Variants in DGKD observed in about 807,000 individuals in gnomAD.
DGKD encodes diacylglycerol kinase delta.
In DGKD, 68 loss-of-function variants were observed where a neutral mutation model predicts 154.4. The ratio of observed to expected loss-of-function variants is 0.44; its 90% CI spans 0.36 to 0.54. The LOEUF (loss-of-function observed/expected upper bound fraction) is 0.54, where lower values mean the gene tolerates loss of function less well. DGKD is among the 20% of genes least tolerant of loss of function. The pLI, the probability that DGKD is intolerant of heterozygous loss-of-function variation, is 0.00. For synonymous variants in DGKD, 693 were observed against 638.0 expected (o/e 1.09, Z -1.30); for missense variants, 1,343 against 1,593.6 (o/e 0.84, Z 2.68).
At chr2:233,362,375 G>C (rs944415480) in intron 1 of DGKD, among the ~76,000 whole-genome samples, 1 of 152,226 alleles carries the variant, frequency 6.6e-6, no homozygotes, top group African/African-American at 2.4e-5. Context: ...ATGTGGCCAG[G>C]TGCAGTGACT....
At chr2:233,442,879 C>T (rs2062946797) in intron 10 of DGKD, among the ~76,000 whole-genome samples, 1 of 152,200 alleles carries the variant, frequency 6.6e-6, no homozygotes, top group African/African-American at 2.4e-5. Flanking sequence ...GCTGGGATTA[C>T]AGGCATGAGC....
intron 3 of DGKD, among the ~76,000 whole-genome samples, chr2:233,416,495 G>C (rs1013854229): frequency 1.3e-5 from 2 of 152,154 alleles, no homozygotes; most frequent in Admixed American, 6.5e-5. Context: ...CAAGGGCTTC[G>C]GGTAGCTTAT....
chr2:233,399,127 C>T (rs2125475868), intron 3 of DGKD, among the ~76,000 whole-genome samples: 1 of 152,370 alleles, frequency 6.6e-6, no homozygotes, highest in South Asian at 2.1e-4. Flanking sequence ...GGAATGAAAG[C>T]AGTGGGCTTT....
chr2:233,390,113 G>T (rs935854939), intron 2 of DGKD, among the ~76,000 whole-genome samples: 1 of 152,112 alleles, frequency 6.6e-6, no homozygotes, highest in Admixed American at 6.5e-5. Flanking sequence ...ACCAGCATTG[G>T]GTTGTTTGCT....
chr2:233,437,429 G>A lies in DGKD; in HGVS notation c.872G>A (p.Cys291Tyr). The stretch of plus-strand genomic sequence containing the variant: ...CTGACCAAGTGCCCACTTGGCCTGT[G>A]CAAAGTGTCAGTCATCCCACCCACG... ...SLLTKCPLGL[C>Y]KVSVIPPTAL... Residue 291 changes from cysteine to tyrosine, a missense_variant, in exon 8 of 30, where the codon TGC (cysteine) becomes TAC (tyrosine). Physicochemically the swap from Cys to Tyr is radical, Grantham distance 194. This residue lies in a region of DGKD where 332 missense variants were observed against 400.1 expected (regional missense o/e 0.83). Coordinates refer to ENST00000264057, the MANE Select transcript of DGKD (RefSeq NM_152879.3). The A allele has an allele frequency of 6.2e-7, 1 of 1,614,234 alleles. No individual in the cohort carries two copies. Among genetic ancestry groups the A allele is most frequent in the Non-Finnish European group, 8.5e-7 (1 of 1,180,036 alleles).
chr2:233,454,405 G>C (rs539415086), intron 18 of DGKD: 2 of 474,936 alleles, frequency 4.2e-6, no homozygotes, highest in South Asian at 3.1e-5. Flanking sequence ...CCATTCCTGT[G>C]AACTGCCTAG....
intron 7 of DGKD, among the ~76,000 whole-genome samples, chr2:233,436,735 G>A (rs1017852696): frequency 6.6e-6 from 1 of 152,270 alleles, no homozygotes; most frequent in Non-Finnish European, 1.5e-5. Context: ...GGTCACCTGG[G>A]ACAATTGAGC....
rs2064009634 is a variant in DGKD at position 233,471,347 on chromosome 2, G to A, written c.*1887G>A. The A allele has an allele frequency of 6.6e-6, 1 of 152,390 alleles. No individual in the cohort carries two copies. Among genetic ancestry groups the A allele is most frequent in the South Asian group, 2.1e-4 (1 of 4,832 alleles). The allele number at this position is 152,390 out of a possible 1,614,324, so 9.4% of individuals were successfully genotyped here. Reference sequence around the variant, plus strand: ...GTTTTCCCCAGAACATTGTAGATGGGGGTTGGCAGAGGGAGAAATAAGCCA... The same window carrying A: ...GTTTTCCCCAGAACATTGTAGATGGAGGTTGGCAGAGGGAGAAATAAGCCA... On this transcript the variant is annotated 3_prime_UTR_variant, in exon 30 of 30. Transcript: ENST00000264057.
chr2:233,409,297 GA>G (rs1270782097), intron 3 of DGKD, among the ~76,000 whole-genome samples: 1 of 152,176 alleles, frequency 6.6e-6, no homozygotes, highest in Admixed American at 6.5e-5. Flanking sequence ...AAATGGCAGA[GA>G]AAACAAAGTG....
chr2:233,462,433 G>A lies in DGKD; in HGVS notation c.3067G>A (p.Val1023Met), dbSNP rs772396285. Residue 1023 changes from valine to methionine, a missense_variant, in exon 25 of 30, where the codon GTG becomes ATG. Val to Met is a conservative substitution (Grantham distance 21). Coordinates refer to ENST00000264057, the MANE Select transcript of DGKD (RefSeq NM_152879.3). ...VNASSKSMDR[V>M]YGKPRTTEGL... ...TGCCAGCTCCAAGTCCATGGACCGT[G>A]TGTATGGCAAGCCCAGAACCACAGA... 1.6e-5 allele frequency: 26 copies of A among 1,600,732 alleles called. No homozygotes were observed. The highest frequency in any genetic ancestry group is 2.1e-5 in the Non-Finnish European group (25 of 1,169,740).
rs59599129 is a variant in DGKD, at chr2:233,463,681, G to A, written c.3187-483G>A. 158 of 180,888 alleles carry A rather than the reference G, an allele frequency of 8.7e-4. 10 individuals carry two copies. The highest frequency in any genetic ancestry group is 4.3e-3 in the African/African-American group (149 of 34,356). 11.2% of individuals were successfully genotyped at this position (180,888 alleles called of 1,614,324 possible). ...CACTGCACGCATCTCCTCACTCCAC[G>A]CATCACCTCACTCCACGCATCACCT... On this transcript the variant is annotated intron_variant, in intron 26 of 29. Coordinates refer to ENST00000264057, the MANE Select transcript of DGKD (RefSeq NM_152879.3).
intron 1 of DGKD, among the ~76,000 whole-genome samples, chr2:233,380,702 C>T (rs1702850840): frequency 6.6e-6 from 1 of 152,106 alleles, no homozygotes; most frequent in Non-Finnish European, 1.5e-5. Flanking sequence ...ACACCACATA[C>T]CGCAGCATAC....
Position 233,449,768 on chromosome 2 carries a change from C to T in DGKD, c.1889-214C>T, listed in dbSNP as rs901153816. Reference sequence around the variant, plus strand: ...CCCTTGCCTTCCCCTGCAAGGGTTCCAGACCTCCCAGCCTGTTAGCAGGGA... The same window carrying T: ...CCCTTGCCTTCCCCTGCAAGGGTTCTAGACCTCCCAGCCTGTTAGCAGGGA... On this transcript the variant is annotated intron_variant, in intron 15 of 29. Coordinates refer to ENST00000264057, the MANE Select transcript of DGKD (RefSeq NM_152879.3). The surrounding 1 kb of genome is among the most constrained non-coding windows in gnomAD (Gnocchi z 5.3). Among the ~76,000 whole-genome samples, 1 of 152,160 alleles carries T rather than the reference C, an allele frequency of 6.6e-6. No individual in the cohort carries two copies. Among genetic ancestry groups the T allele is most frequent in the Non-Finnish European group, 1.5e-5 (1 of 68,022 alleles).
intron 1 of DGKD, among the ~76,000 whole-genome samples, chr2:233,381,834 TTTC>T: frequency 6.6e-6 from 1 of 152,350 alleles, no homozygotes; most frequent in African/African-American, 2.4e-5. Flanking sequence ...GTTTACCAGT[TTTC>T]TTATTTGTTA....
chr2:233,448,234 A>G, intron 13 of DGKD, 42 bp from the exon 14 acceptor site: 2 of 1,613,994 alleles, frequency 1.2e-6, no homozygotes, highest in Non-Finnish European at 1.7e-6. Context: ...CCCAGCCTGG[A>G]GCTGCCTCTC....
intron 16 of DGKD, 139 bp from the exon 17 acceptor site, chr2:233,450,783 C>T (rs969448506): frequency 9.1e-6 from 10 of 1,102,642 alleles, no homozygotes; most frequent in Non-Finnish European, 1.3e-5. Context: ...CTTCTTTGTC[C>T]CACACACTTC....
chr2:233,436,024 T>C, intron 6 of DGKD, 100 bp downstream of exon 6: 1 of 1,277,564 alleles, frequency 7.8e-7, no homozygotes, highest in South Asian at 1.4e-5. Context: ...ACTGTTTCAT[T>C]TGAGATGGTC....
At chr2:233,393,345 T>C (rs1295771309) in intron 3 of DGKD, among the ~76,000 whole-genome samples, 1 of 149,608 alleles carries the variant, frequency 6.7e-6, no homozygotes, top group Non-Finnish European at 1.5e-5. Context: ...TTTTTTTTTT[T>C]TTTTTTTTTG....
At chr2:233,367,069 G>C (rs921090595) in intron 1 of DGKD, among the ~76,000 whole-genome samples, 2 of 151,850 alleles carry the variant, frequency 1.3e-5, no homozygotes, top group African/African-American at 4.8e-5. Flanking sequence ...CTTCCTTTTG[G>C]GAACCAGGTA....
Sources: allele counts gnomAD v4.1 joint callset (sites outside exome capture counted in the v4.1 genomes callset), GRCh38; gene constraint gnomAD v4.1.1; regional missense constraint gnomAD v4.1.1; non-coding constraint Gnocchi (gnomAD v3.1); transcripts MANE v1.5; gene names NCBI Gene and HGNC (gene_info 2026-07-23, HGNC 2026-07-21).